The following NIN variants were observed in gnomAD, a reference collection of about 807,000 sequenced individuals.
The protein encoded by NIN is ninein.
A neutral mutation model predicts 257.6 loss-of-function variants in NIN; 137 were observed. That is an observed-to-expected ratio of 0.53 (90% CI 0.46 to 0.61). NIN has a LOEUF of 0.61. NIN is among the 20% of genes least tolerant of loss of function. The pLI is 0.00. For synonymous variants in NIN, 918 were observed against 919.8 expected, an observed-to-expected ratio of 1.00 and a Z score of 0.04; for missense variants, 2,439 against 2,501.2, an observed-to-expected ratio of 0.98 and a Z score of 0.53.
rs760414579 is a variant in NIN at position 50,743,518 on chromosome 14, T to G, written c.5199A>C (p.Ser1733=). ...TCGCAATTCTATGCTCTAAAAGACT[T>G]GATTTTGCCAACTGTTTCAGGAAGG... is the stretch of plus-strand genomic sequence containing the variant. ...LNSCVDKLAK[S]SLLEHRIATM... The change falls in exon 24 of 31, where the codon TCA becomes TCC. Residue 1733 remains serine, a synonymous_variant. Transcript: ENST00000530997. 1 of 1,612,048 alleles carries G rather than the reference T, an allele frequency of 6.2e-7. No homozygotes were observed.
At chr14:50,769,844 G>C (rs1003693348) in intron 12 of NIN, among the ~76,000 whole-genome samples, 18 of 151,952 alleles carry the variant, frequency 1.2e-4, no homozygotes, top group Admixed American at 3.3e-4. Context: ...TTGGCAGGCC[G>C]AGGCTGGAGG....
In NIN at chr14:50,829,878, GCTACAGAAGC is replaced by G. The variant is rs2045622224; in HGVS notation, c.-22+576_-22+585del. The stretch of plus-strand genomic sequence containing the variant: ...CCTTCTGTCAGGGGCCGCTTCGGTA[GCTACAGAAGC>G]CTAGCCGCTGGAAGCTTCCTTCCCC... On this transcript the variant is annotated intron_variant, in intron 2 of 30. Transcript: ENST00000530997. 2.0e-5 allele frequency among the ~76,000 whole-genome samples: 3 copies of G among 152,172 alleles called. 1 individual carries two copies. The South Asian group carries it at 6.2e-4, about 32-fold the overall frequency.
At chr14:50,728,309 T>A (rs1436259730) in intron 29 of NIN, among the ~76,000 whole-genome samples, 2 of 152,122 alleles carry the variant, frequency 1.3e-5, no homozygotes, top group Non-Finnish European at 2.9e-5. Context: ...TTTAAGAACT[T>A]TAATACTGGG....
intron 3 of NIN, among the ~76,000 whole-genome samples, chr14:50,817,716 T>C (rs1009022113): frequency 6.6e-6 from 1 of 152,110 alleles, no homozygotes; most frequent in Non-Finnish European, 1.5e-5. Context: ...AAAGTTGGCA[T>C]ACTACGTAAG....
chr14:50,764,198 A>G (rs569064286), intron 14 of NIN, among the ~76,000 whole-genome samples: 2 of 152,270 alleles, frequency 1.3e-5, no homozygotes, highest in Non-Finnish European at 2.9e-5. Flanking sequence ...TGGGCAAATG[A>G]TCTGAATTGA....
At chr14:50,744,500 G>A (rs983141110) in intron 22 of NIN, 135 bp from the exon 23 acceptor site, 2 of 878,644 alleles carry the variant, frequency 2.3e-6, no homozygotes, top group African/African-American at 1.7e-5. Flanking sequence ...ATAAACTCTA[G>A]CAGAGACTAT....
At chr14:50,811,177 T>C (rs1446496135) in intron 3 of NIN, among the ~76,000 whole-genome samples, 1 of 150,338 alleles carries the variant, frequency 6.7e-6, no homozygotes, top group Non-Finnish European at 1.5e-5. Flanking sequence ...GGCGCAATCT[T>C]GGCTCACTGC....
intron 3 of NIN, among the ~76,000 whole-genome samples, chr14:50,809,317 C>G (rs563127135): frequency 2.1e-4 from 32 of 152,234 alleles, no homozygotes; most frequent in Admixed American, 4.6e-4. Flanking sequence ...GTGGGGGCGG[C>G]GGCAGGGAGG....
At chr14:50,760,433 ATTGCTT>A in intron 16 of NIN, 74 bp from the exon 17 acceptor site, 2 of 837,388 alleles carry the variant, frequency 2.4e-6, no homozygotes, top group Admixed American at 2.9e-5. Flanking sequence ...TGGAGCAGCA[ATTGCTT>A]TTTTTTTTTT....
chr14:50,742,821 G>T (rs1275281646), intron 24 of NIN, among the ~76,000 whole-genome samples: 1 of 152,146 alleles, frequency 6.6e-6, no homozygotes, highest in Non-Finnish European at 1.5e-5. Context: ...AACTGCCTTA[G>T]AAGTCCTATC....
intron 5 of NIN, among the ~76,000 whole-genome samples, chr14:50,785,006 C>T (rs538130121): frequency 6.6e-6 from 1 of 152,218 alleles, no homozygotes; most frequent in South Asian, 2.1e-4. Context: ...GCTCACAAGA[C>T]AGTCCCCAAC....
intron 2 of NIN, among the ~76,000 whole-genome samples, chr14:50,829,082 G>A (rs2045587428): frequency 6.6e-6 from 1 of 152,064 alleles, no homozygotes; most frequent in Non-Finnish European, 1.5e-5. Flanking sequence ...TCCCCACTCT[G>A]CAGAATGCTT....
chr14:50,747,132 G>A (rs564385119), intron 22 of NIN, among the ~76,000 whole-genome samples: 30 of 152,302 alleles, frequency 2.0e-4, no homozygotes, highest in African/African-American at 7.2e-4. Context: ...TGGGATTACA[G>A]GCATGAGCCA....
At chr14:50,802,022 A>G (rs1157424189) in intron 4 of NIN, among the ~76,000 whole-genome samples, 1 of 152,260 alleles carries the variant, frequency 6.6e-6, no homozygotes, top group African/African-American at 2.4e-5. Flanking sequence ...TGTTGATGCC[A>G]TGTAGCTTGG....
intron 5 of NIN, among the ~76,000 whole-genome samples, chr14:50,789,503 G>A (rs1235111909): frequency 3.9e-5 from 6 of 152,268 alleles, no homozygotes; most frequent in South Asian, 4.1e-4. Context: ...CCTGGGAGGC[G>A]GAGCTTCCAA....
chr14:50,811,938 G>A (rs1023483777), intron 3 of NIN, among the ~76,000 whole-genome samples: 1 of 140,186 alleles, frequency 7.1e-6, no homozygotes, highest in Non-Finnish European at 1.5e-5. Flanking sequence ...AGCTTGCAGT[G>A]AGCCAAGACT....
chr14:50,810,942 G>A (rs918457288), intron 3 of NIN, among the ~76,000 whole-genome samples: 7 of 152,022 alleles, frequency 4.6e-5, no homozygotes, highest in South Asian at 2.1e-4. Context: ...GATTACAGGC[G>A]TGAGCCACCG....
At chr14:50,771,210 G>A in intron 10 of NIN, 122 bp downstream of exon 10, 1 of 1,263,450 alleles carries the variant, frequency 7.9e-7, no homozygotes, top group African/African-American at 1.5e-5. Context: ...GTGTGCAGCA[G>A]TTGGATAGAA....
Position 50,821,954 on chromosome 14 carries a change from C to T in NIN, c.103G>A (p.Asp35Asn), listed in dbSNP as rs1449486915. 5 of 1,614,174 alleles carry T rather than the reference C, an allele frequency of 3.1e-6. No individual in the cohort carries two copies. Among genetic ancestry groups the T allele is most frequent in the East Asian group, 2.2e-5 (1 of 44,884 alleles). The change falls in exon 3 of 31, where the codon GAC (aspartate) becomes AAC (asparagine). Residue 35 changes from aspartate to asparagine, a missense_variant. Physicochemically the swap from Asp to Asn is conservative, Grantham distance 23. Around this residue, in one of 3 missense-constraint regions of NIN, gnomAD observed 387 missense variants for 427.3 expected, o/e 0.91. Transcript: ENST00000530997. The stretch of plus-strand genomic sequence containing the variant: ...TCCAAGCTCAACATGTGGCAAAGGT[C>T]GGTGAGTTCCTCCTGCCCCAGGGAC... Reference protein sequence around the residue: ...TGSLGQEELTDLCHMLSLEEV... With the variant: ...TGSLGQEELTNLCHMLSLEEV...
Sources: gnomAD v4.1 joint callset for allele counts (sites outside exome capture counted in the v4.1 genomes callset) on GRCh38, gnomAD v4.1.1 for gene constraint, gnomAD v4.1.1 regional missense constraint, MANE v1.5 for transcripts, NCBI Gene and HGNC (gene_info 2026-07-23, HGNC 2026-07-21) for gene names.